Variants in SLC6A4 observed in about 807,000 individuals in gnomAD.
SLC6A4 encodes the protein solute carrier family 6 member 4.
A neutral mutation model predicts 73.4 loss-of-function variants in SLC6A4; 22 were observed. The ratio of observed to expected loss-of-function variants is 0.30; its 90% CI spans 0.21 to 0.43. The LOEUF is 0.43. SLC6A4 is among the 20% of genes least tolerant of loss of function. The pLI is 1.00. For synonymous variants in SLC6A4, 270 were observed against 315.5 expected (o/e 0.86, Z 1.53); for missense variants, 593 against 808.5 (o/e 0.73, Z 3.23).
rs1469556985 is a variant in SLC6A4, at chr17:30,211,455, T to C, written c.1205-31A>G. On this transcript the variant is annotated intron_variant, in intron 9 of 14. Coordinates refer to ENST00000650711, the MANE Select transcript of SLC6A4 (RefSeq NM_001045.6). The surrounding 1 kb of genome is among the most constrained non-coding windows in gnomAD (Gnocchi z 4.0). ...ACAGAGGGGAGAGAGGAGGAGGTGG[T>C]TGACAAGACCTGTCCTACAAAGATG... 9 of 1,372,800 alleles carry C rather than the reference T, an allele frequency of 6.6e-6. No homozygotes were observed. The highest frequency in any genetic ancestry group is 9.4e-6 in the Non-Finnish European group (9 of 960,628). 85.0% of individuals were successfully genotyped at this position (1,372,800 alleles called of 1,614,324 possible). A position where few individuals can be genotyped will look rare whatever the true frequency, so the allele number is the denominator to read the frequency against.
In SLC6A4 at chr17:30,212,779, T is replaced by A. The variant is rs200983126; in HGVS notation, c.1165A>T (p.Met389Leu). The A allele has an allele frequency of 6.2e-7, 1 of 1,614,164 alleles. No individual in the cohort carries two copies. The highest frequency in any genetic ancestry group is 1.7e-5 in the Admixed American group (1 of 60,022). ...IFTVLGYMAE[M>L]RNEDVSEVAK... Reference sequence around the variant, plus strand: ...ACCTCAGACACATCTTCATTCCTCATCTCAGCCATGTAACCGAGCACTGTG... The same window carrying A: ...ACCTCAGACACATCTTCATTCCTCAACTCAGCCATGTAACCGAGCACTGTG... Residue 389 changes from methionine to leucine, a missense_variant, in exon 9 of 15, where the codon ATG becomes TTG. Coordinates refer to ENST00000650711, the MANE Select transcript of SLC6A4 (RefSeq NM_001045.6).
intron 13 of SLC6A4, among the ~76,000 whole-genome samples, chr17:30,207,228 G>T (rs1906235680): frequency 6.6e-6 from 1 of 152,114 alleles, no homozygotes; most frequent in South Asian, 2.1e-4. Context: ...TGGGCATAGT[G>T]GCTGGGAGGG....
intron 1 of SLC6A4, among the ~76,000 whole-genome samples, chr17:30,227,267 C>T (rs1427276988): frequency 6.6e-6 from 1 of 151,970 alleles, no homozygotes; most frequent in East Asian, 1.9e-4. Flanking sequence ...GGGCACAGGT[C>T]GGAAGCCATA....
chr17:30,208,623 A>T (rs1906282420), intron 12 of SLC6A4, among the ~76,000 whole-genome samples: 1 of 152,144 alleles, frequency 6.6e-6, no homozygotes, highest in Non-Finnish European at 1.5e-5. Context: ...TGCAACCCAA[A>T]ATGTGCCCCC....
chr17:30,212,962 C>T (rs921178036), intron 8 of SLC6A4, 95 bp from the exon 9 acceptor site: 10 of 1,355,992 alleles, frequency 7.4e-6, no homozygotes, highest in East Asian at 4.9e-5. Context: ...TTAGACAGGG[C>T]GGCCACAGCA....
intron 1 of SLC6A4, among the ~76,000 whole-genome samples, chr17:30,223,881 T>C (rs1038209230): frequency 1.3e-5 from 2 of 151,916 alleles, no homozygotes; most frequent in Non-Finnish European, 2.9e-5. Flanking sequence ...GGCCCTCAAC[T>C]AGGCTTGATA....
At position 30,198,041 on chromosome 17, in the gene SLC6A4, C is replaced by G. The variant is rs202169989; in HGVS notation, c.*415G>C. The G allele has an allele frequency of 3.9e-4, 68 of 173,312 alleles. No homozygotes were observed. The highest frequency in any genetic ancestry group is 3.8e-4 in the Non-Finnish European group (31 of 81,836). The allele number at this position is 173,312 out of a possible 1,614,324, so 10.7% of individuals were successfully genotyped here. ...TGGCTAGCGAGATAGCATCCCTGTTCTCTCCTACGCAGTTTACGTATTCAT... is the reference window on the plus strand; with the variant it reads ...TGGCTAGCGAGATAGCATCCCTGTTGTCTCCTACGCAGTTTACGTATTCAT... On this transcript the variant is annotated 3_prime_UTR_variant, in exon 15 of 15. Coordinates refer to ENST00000650711, the MANE Select transcript of SLC6A4 (RefSeq NM_001045.6).
In SLC6A4 at chr17:30,194,794, T is replaced by A. The variant is rs1905801844; in HGVS notation, c.*3662A>T. On this transcript the variant is annotated 3_prime_UTR_variant, in exon 15 of 15. Coordinates refer to ENST00000650711, the MANE Select transcript of SLC6A4 (RefSeq NM_001045.6). ...GTTTAAAAATTGCTAGACACAATTC[T>A]TATCTACTATAATTGGAGTCTTCAG... 1.3e-5 allele frequency: 2 copies of A among 152,202 alleles called. No individual in the cohort carries two copies. The highest frequency in any genetic ancestry group is 1.3e-4 in the Admixed American group (2 of 15,276). 9.4% of individuals were successfully genotyped at this position (152,202 alleles called of 1,614,324 possible).
At chr17:30,234,043 G>A (rs1229256935) in intron 1 of SLC6A4, among the ~76,000 whole-genome samples, 1 of 151,892 alleles carries the variant, frequency 6.6e-6, no homozygotes, top group African/African-American at 2.4e-5. Flanking sequence ...CCATTCCTCA[G>A]GCACCTCACC....
At position 30,230,104 on chromosome 17, in the gene SLC6A4, A is replaced by AGAAGAAGAAGAAGAAGAG. The variant is rs1312487384; in HGVS notation, c.-221+5508_-221+5509insCTCTTCTTCTTCTTCTTC. 8.3e-5 allele frequency among the ~76,000 whole-genome samples: 10 copies of AGAAGAAGAAGAAGAAGAG among 119,922 alleles called. No individual in the cohort carries two copies. In the East Asian group the frequency reaches 2.1e-3, roughly 25 times the overall value. 78.7% of individuals were successfully genotyped at this position (119,922 alleles called of 152,430 possible). ...AAGAAGAAGAAGAAGAAGAGGAGGA[A>AGAAGAAGAAGAAGAAGAG]GAGGAAGAGGAAGAGGAAGAGGAGG... On this transcript the variant is annotated intron_variant, in intron 1 of 14. Transcript: ENST00000650711.
At chr17:30,225,804 G>A (rs1167050361) in intron 1 of SLC6A4, among the ~76,000 whole-genome samples, 1 of 152,164 alleles carries the variant, frequency 6.6e-6, no homozygotes, top group Non-Finnish European at 1.5e-5. Flanking sequence ...ACCAGCCAAT[G>A]GGAGTGGTTG....
At position 30,224,225 on chromosome 17, in the gene SLC6A4, G is replaced by GTT. The variant is rs796258128; in HGVS notation, c.-220-1312_-220-1311dup. On this transcript the variant is annotated intron_variant, in intron 1 of 14. Transcript: ENST00000650711. ...TTCCTCCCACTGGCCCCACAGTTTT[G>GTT]TTTTTTTTTTTTTGAAACAGTCTTG... 2.4e-3 allele frequency among the ~76,000 whole-genome samples: 338 copies of GTT among 140,734 alleles called. 2 individuals carry two copies. The highest frequency in any genetic ancestry group is 8.2e-3 in the African/African-American group (318 of 38,726). 92.3% of individuals were successfully genotyped at this position (140,734 alleles called of 152,430 possible). A position where few individuals can be genotyped will look rare whatever the true frequency, so the allele number is the denominator to read the frequency against.
At position 30,212,743 on chromosome 17, in the gene SLC6A4, C is replaced by A. The variant is rs374583307; in HGVS notation, c.1201G>T (p.Ala401Ser). 3.7e-6 allele frequency: 6 copies of A among 1,614,128 alleles called. No individual in the cohort carries two copies. Among genetic ancestry groups the A allele is most frequent in the Admixed American group, 1.7e-5 (1 of 60,022 alleles). Residue 401 changes from alanine to serine, a missense_variant, in exon 9 of 15, where the codon GCA (alanine) becomes TCA (serine). Coordinates refer to ENST00000650711, the MANE Select transcript of SLC6A4 (RefSeq NM_001045.6). ...NEDVSEVAKD[A>S]GPSLLFITYA... Reference sequence around the variant, plus strand: ...TGCATAGAACCCGAGGTCCTACCTGCGTCTTTGGCCACCTCAGACACATCT... The same window carrying A: ...TGCATAGAACCCGAGGTCCTACCTGAGTCTTTGGCCACCTCAGACACATCT...
In SLC6A4 at chr17:30,211,511, T is replaced by C. The variant is rs1906384965; in HGVS notation, c.1205-87A>G. ...GAGGAAAACTCAGCCACAACAACAG[T>C]TACAATTCTCATCACAAGACCTTAT... On this transcript the variant is annotated intron_variant, in intron 9 of 14. Coordinates refer to ENST00000650711, the MANE Select transcript of SLC6A4 (RefSeq NM_001045.6). The surrounding 1 kb of genome is among the most constrained non-coding windows in gnomAD (Gnocchi z 4.0). 1.2e-6 allele frequency: 1 copy of C among 830,930 alleles called. No individual in the cohort carries two copies. Among genetic ancestry groups the C allele is most frequent in the East Asian group, 2.4e-5 (1 of 40,914 alleles). The allele number at this position is 830,930 out of a possible 1,614,324, so 51.5% of individuals were successfully genotyped here. A position where few individuals can be genotyped will look rare whatever the true frequency, so the allele number is the denominator to read the frequency against.
At chr17:30,230,098 G>GAGGAAGAGGAAGAGGAA (rs1555591454) in intron 1 of SLC6A4, among the ~76,000 whole-genome samples, 1 of 89,558 alleles carries the variant, frequency 1.1e-5, no homozygotes, top group African/African-American at 4.5e-5. Context: ...AAGAAGAAGA[G>GAGGAAGAGGAAGAGGAA]GAGGAAGAGG....
At position 30,235,138 on chromosome 17, in the gene SLC6A4, T is replaced by G. The variant is rs1465141244; in HGVS notation, c.-221+475A>C. Among the ~76,000 whole-genome samples, 1 of 152,138 alleles carries G rather than the reference T, an allele frequency of 6.6e-6. No individual in the cohort carries two copies. Among genetic ancestry groups the G allele is most frequent in the Non-Finnish European group, 1.5e-5 (1 of 68,032 alleles). ...GCCCACTTAGGCGCCACTCAGAGAT[T>G]TCTCTAGCTGTCTGGGCATTTGTGT... On this transcript the variant is annotated intron_variant, in intron 1 of 14. Transcript: ENST00000650711. This position sits in a 1 kb window ranked among gnomAD's most constrained non-coding sequence, Gnocchi z 4.5.
chr17:30,223,262 C>T (rs1246504610), intron 1 of SLC6A4, among the ~76,000 whole-genome samples: 2 of 152,176 alleles, frequency 1.3e-5, no homozygotes, highest in East Asian at 3.8e-4. Flanking sequence ...TGACACTGGA[C>T]CCTTCTAGAA....
chr17:30,215,296 G>A (rs1006029041), intron 8 of SLC6A4, among the ~76,000 whole-genome samples: 1 of 152,190 alleles, frequency 6.6e-6, no homozygotes, highest in African/African-American at 2.4e-5. Flanking sequence ...ACCTGCCTTG[G>A]CCTCCCAAAG....
At chr17:30,221,555 C>T in intron 3 of SLC6A4, 61 bp downstream of exon 3, 2 of 1,479,376 alleles carry the variant, frequency 1.4e-6, no homozygotes, top group Admixed American at 1.7e-5. Flanking sequence ...CGGGTCACAG[C>T]CCACTCCGGG....
Sources: allele counts gnomAD v4.1 joint callset (sites outside exome capture counted in the v4.1 genomes callset), GRCh38; gene constraint gnomAD v4.1.1; non-coding constraint Gnocchi (gnomAD v3.1); transcripts MANE v1.5; gene names NCBI Gene and HGNC (gene_info 2026-07-23, HGNC 2026-07-21).